Variants in KPNA3 observed in about 807,000 individuals in gnomAD.
KPNA3 encodes the protein importin subunit alpha-4.
KPNA3 carries 13 observed loss-of-function variants against 73.8 expected under a neutral mutation model. The observed-to-expected ratio is 0.18, with a 90% CI of 0.11 to 0.28. KPNA3 has a LOEUF of 0.28. KPNA3 is among the 10% of genes least tolerant of loss of function. KPNA3 has a pLI of 1.00. For synonymous variants in KPNA3, 186 were observed against 206.9 expected, an observed-to-expected ratio of 0.90 and a Z score of 0.87; for missense variants, 360 against 618.1, an observed-to-expected ratio of 0.58 and a Z score of 4.43.
intron 2 of KPNA3, among the ~76,000 whole-genome samples, chr13:49,736,963 A>G (rs1342960083): frequency 6.6e-6 from 1 of 152,202 alleles, no homozygotes; most frequent in Non-Finnish European, 1.5e-5. Context: ...TTATAGGCTC[A>G]GTATAATTGT....
intron 1 of KPNA3, among the ~76,000 whole-genome samples, chr13:49,772,713 G>T (rs943454431): frequency 6.6e-6 from 1 of 152,300 alleles, no homozygotes; most frequent in Non-Finnish European, 1.5e-5. Flanking sequence ...TGAGGCAGGA[G>T]AATTGCTTGA....
chr13:49,772,273 C>A (rs1231637934), intron 1 of KPNA3, among the ~76,000 whole-genome samples: 3 of 152,172 alleles, frequency 2.0e-5, no homozygotes, highest in Non-Finnish European at 4.4e-5. Flanking sequence ...GAAAGCTTTA[C>A]ATTTACACCA....
intron 14 of KPNA3, 69 bp from the exon 15 acceptor site, chr13:49,705,852 A>T: frequency 7.4e-7 from 1 of 1,352,596 alleles, no homozygotes. Context: ...GTGTCGTGCT[A>T]CATGGAAGGC....
chr13:49,722,689 ATCTTTACCCT>A, intron 7 of KPNA3, 126 bp from the exon 8 acceptor site: 1 of 575,328 alleles, frequency 1.7e-6, no homozygotes, highest in Non-Finnish European at 3.0e-6. Context: ...TGTGGCAAAT[ATCTTTACCCT>A]AAAAAGAATC....
intron 1 of KPNA3, among the ~76,000 whole-genome samples, chr13:49,762,247 G>A (rs559349583): frequency 6.8e-6 from 1 of 147,726 alleles, no homozygotes; most frequent in African/African-American, 2.5e-5. Context: ...GAGGGAGGAG[G>A]GGGGGCGCCT....
intron 10 of KPNA3, among the ~76,000 whole-genome samples, chr13:49,713,652 C>A (rs1013992968): frequency 2.7e-5 from 4 of 150,304 alleles, no homozygotes; most frequent in Non-Finnish European, 5.9e-5. Flanking sequence ...CACACACACA[C>A]ACACACACAC....
intron 10 of KPNA3, among the ~76,000 whole-genome samples, chr13:49,713,235 C>T (rs1954275568): frequency 6.6e-6 from 1 of 151,898 alleles, no homozygotes; most frequent in Non-Finnish European, 1.5e-5. Context: ...CATGAAAATA[C>T]AACAGTTATA....
chr13:49,751,885 G>T (rs1368478312), intron 1 of KPNA3, among the ~76,000 whole-genome samples: 1 of 152,204 alleles, frequency 6.6e-6, no homozygotes. Context: ...TCCAGCCTGG[G>T]TGATAGAGAC....
intron 2 of KPNA3, among the ~76,000 whole-genome samples, chr13:49,744,133 C>T (rs1021092835): frequency 1.3e-5 from 2 of 152,108 alleles, no homozygotes; most frequent in African/African-American, 4.8e-5. Context: ...GGTGGTTACA[C>T]AAATGTGTTC....
intron 1 of KPNA3, among the ~76,000 whole-genome samples, chr13:49,765,935 C>A (rs1458800863): frequency 6.6e-6 from 1 of 152,146 alleles, no homozygotes; most frequent in Admixed American, 6.6e-5. Context: ...GGATCTCTCT[C>A]CTGAACTAAA....
chr13:49,753,289 A>C (rs893837152), intron 1 of KPNA3, among the ~76,000 whole-genome samples: 4 of 152,194 alleles, frequency 2.6e-5, no homozygotes, highest in Non-Finnish European at 5.9e-5. Context: ...AAACTAACGG[A>C]CTTCCAAAAA....
chr13:49,749,188 AGT>A (rs1954642099), intron 1 of KPNA3, among the ~76,000 whole-genome samples: 1 of 152,264 alleles, frequency 6.6e-6, no homozygotes, highest in African/African-American at 2.4e-5. Flanking sequence ...AGACAGAATT[AGT>A]GAGTTAAATT....
chr13:49,755,374 T>C (rs1409672394), intron 1 of KPNA3, among the ~76,000 whole-genome samples: 1 of 152,226 alleles, frequency 6.6e-6, no homozygotes, highest in Non-Finnish European at 1.5e-5. Context: ...CTGAATACTA[T>C]GTTTCCCTAG....
intron 1 of KPNA3, among the ~76,000 whole-genome samples, chr13:49,754,949 A>G (rs1954697932): frequency 1.3e-5 from 2 of 152,214 alleles, no homozygotes; most frequent in Non-Finnish European, 2.9e-5. Flanking sequence ...TGCCTAAAGA[A>G]GAACTAACAC....
intron 2 of KPNA3, among the ~76,000 whole-genome samples, chr13:49,737,076 C>G (rs1330777593): frequency 6.6e-6 from 1 of 152,046 alleles, no homozygotes; most frequent in Non-Finnish European, 1.5e-5. Flanking sequence ...ATACTGTAGA[C>G]ATATTACAGT....
chr13:49,710,776 CAGA>C, intron 11 of KPNA3, 112 bp downstream of exon 11: 1 of 927,332 alleles, frequency 1.1e-6, no homozygotes, highest in South Asian at 1.7e-5. Context: ...CAGGGACTAG[CAGA>C]AGAAATGTGG....
intron 1 of KPNA3, among the ~76,000 whole-genome samples, chr13:49,767,762 C>G (rs1489839167): frequency 6.6e-6 from 1 of 152,174 alleles, no homozygotes; most frequent in Non-Finnish European, 1.5e-5. Context: ...GAGGATATCA[C>G]AATCTATCTC....
At chr13:49,774,751 G>A (rs1047290489) in intron 1 of KPNA3, among the ~76,000 whole-genome samples, 3 of 152,186 alleles carry the variant, frequency 2.0e-5, no homozygotes, top group Non-Finnish European at 4.4e-5. Context: ...TTAGAATGAA[G>A]GTGATAAACC....
chr13:49,722,706 A>T (rs1434434451), intron 7 of KPNA3, 143 bp from the exon 8 acceptor site: 1 of 537,888 alleles, frequency 1.9e-6, no homozygotes, highest in Non-Finnish European at 3.2e-6. Flanking sequence ...CCCTAAAAAG[A>T]ATCAATTTCA....
Sources: gnomAD v4.1 joint callset for allele counts (sites outside exome capture counted in the v4.1 genomes callset) on GRCh38, gnomAD v4.1.1 for gene constraint, MANE v1.5 for transcripts, NCBI Gene and HGNC (gene_info 2026-07-23, HGNC 2026-07-21) for gene names.